IQCH: variants seen among roughly 807,000 people sequenced by gnomAD.
IQCH encodes the protein IQ motif containing H, also known as IQ domain-containing protein H.
IQCH carries 98 observed loss-of-function variants against 117.0 expected under a neutral mutation model. That is an observed-to-expected ratio of 0.84 (90% confidence interval 0.71 to 0.99). The LOEUF is 0.99. Among genes scored for constraint, IQCH ranks in the 50% least tolerant of loss-of-function variants. The probability of loss-of-function intolerance (pLI) is 0.00; values close to 1 mark genes in which losing one functional copy is unlikely to be tolerated. For synonymous variants in IQCH, 412 were observed against 448.2 expected (o/e 0.92, Z 1.02); for missense variants, 1,102 against 1,243.8 (o/e 0.89, Z 1.72).
At chr15:67,303,573 A>G (rs1967156576) in intron 4 of IQCH, among the ~76,000 whole-genome samples, 1 of 152,128 alleles carries the variant, frequency 6.6e-6, no homozygotes, top group Non-Finnish European at 1.5e-5. Flanking sequence ...ATTAAGTCTA[A>G]CATGCATTTT....
In IQCH at chr15:67,458,119, C is replaced by T. The variant is rs142667568; in HGVS notation, c.2506-7008C>T. On this transcript the variant is annotated intron_variant, in intron 16 of 20. Coordinates refer to ENST00000335894, the MANE Select transcript of IQCH (RefSeq NM_001031715.3). This position sits in a 1 kb window ranked among gnomAD's most constrained non-coding sequence, Gnocchi z 4.1. ...AGCCATGCACATCCTCCTGATTTTA[C>T]AGCTGCAAAAGGAGAAAAAGTGCCT... 2.2e-3 allele frequency among the ~76,000 whole-genome samples: 339 copies of T among 152,342 alleles called. 1 individual carries two copies. Among genetic ancestry groups the T allele is most frequent in the African/African-American group, 7.8e-3 (324 of 41,574 alleles).
chr15:67,266,523 G>A lies in IQCH; in HGVS notation c.269+3307G>A, dbSNP rs188184176. Among the ~76,000 whole-genome samples the A allele has an allele frequency of 5.3e-3, 801 of 152,234 alleles. 10 individuals carry two copies. The highest frequency in any genetic ancestry group is 0.019 in the African/African-American group (776 of 41,530). On this transcript the variant is annotated intron_variant, in intron 3 of 20. Coordinates refer to ENST00000335894, the MANE Select transcript of IQCH (RefSeq NM_001031715.3). ...ACAAAAAAAATTAGCCAGGCGTGGT[G>A]GCAGGCGCCTGTAGTCCCAGCTACT...
intron 6 of IQCH, 72 bp downstream of exon 6, chr15:67,344,263 A>G (rs1969292527): frequency 6.8e-7 from 1 of 1,465,044 alleles, no homozygotes; most frequent in East Asian, 2.3e-5. Context: ...CTAGCCTTCT[A>G]GTAGCCAACT....
chr15:67,331,247 A>G (rs1445929170), intron 4 of IQCH, among the ~76,000 whole-genome samples: 1 of 152,216 alleles, frequency 6.6e-6, no homozygotes, highest in East Asian at 1.9e-4. Context: ...TAACCTAGAA[A>G]AAACATAAAT....
chr15:67,376,812 G>A lies in IQCH; in HGVS notation c.1372+3379G>A, dbSNP rs1434295850. Among the ~76,000 whole-genome samples, 1 of 152,096 alleles carries A rather than the reference G, an allele frequency of 6.6e-6. No homozygotes were observed. The highest frequency in any genetic ancestry group is 6.6e-5 in the Admixed American group (1 of 15,260). On this transcript the variant is annotated intron_variant, in intron 10 of 20. Coordinates refer to ENST00000335894, the MANE Select transcript of IQCH (RefSeq NM_001031715.3). This position sits in a 1 kb window ranked among gnomAD's most constrained non-coding sequence, Gnocchi z 5.0. ...CAGTAAGACAATTAAACATTGTGGA[G>A]TAACCTCTTTGAAAGGAGGACTTAG...
chr15:67,409,106 G>A (rs2081378262), intron 14 of IQCH, among the ~76,000 whole-genome samples: 1 of 152,008 alleles, frequency 6.6e-6, no homozygotes, highest in Non-Finnish European at 1.5e-5. Context: ...TTTAGCAGAT[G>A]TTGAAGTAAT....
At chr15:67,325,652 C>G (rs1968373434) in intron 4 of IQCH, among the ~76,000 whole-genome samples, 1 of 151,956 alleles carries the variant, frequency 6.6e-6, no homozygotes, top group South Asian at 2.1e-4. Flanking sequence ...TGAGTCTCTT[C>G]AAAACAAGAA....
rs1448494427 is a variant in IQCH, at chr15:67,493,804, TC to T, written c.2862-450del. On this transcript the variant is annotated intron_variant, in intron 19 of 20. Coordinates refer to ENST00000335894, the MANE Select transcript of IQCH (RefSeq NM_001031715.3). This position sits in a 1 kb window ranked among gnomAD's most constrained non-coding sequence, Gnocchi z 5.1. ...GGTATATCTCCTAATGCTATTCCTC[TC>T]CCCTCCCCTCACCCCACGACAGGCC... Among the ~76,000 whole-genome samples the T allele has an allele frequency of 1.3e-5, 2 of 152,052 alleles. No homozygotes were observed. The highest frequency in any genetic ancestry group is 2.9e-5 in the Non-Finnish European group (2 of 67,996).
In IQCH at chr15:67,359,015, C is replaced by T. The variant is rs1222007080; in HGVS notation, c.715-832C>T. 6.6e-6 allele frequency among the ~76,000 whole-genome samples: 1 copy of T among 152,204 alleles called. No individual in the cohort carries two copies. The highest frequency in any genetic ancestry group is 1.5e-5 in the Non-Finnish European group (1 of 68,048). ...GTAAATGGCCAAATCCCAAGACAGA[C>T]AGGCCTTCAGGCGAGTGTTTGGCCT... is the stretch of plus-strand genomic sequence containing the variant. On this transcript the variant is annotated intron_variant, in intron 7 of 20. Coordinates refer to ENST00000335894, the MANE Select transcript of IQCH (RefSeq NM_001031715.3). The surrounding 1 kb of genome is among the most constrained non-coding windows in gnomAD (Gnocchi z 4.5).
At chr15:67,492,295 T>C (rs1320070324) in intron 19 of IQCH, among the ~76,000 whole-genome samples, 2 of 152,136 alleles carry the variant, frequency 1.3e-5, no homozygotes, top group African/African-American at 2.4e-5. Context: ...CCTAGAGATA[T>C]GAACTGTGTC....
rs572313223 is a variant in IQCH at position 67,459,498 on chromosome 15, T to G, written c.2506-5629T>G. 1.4e-4 allele frequency among the ~76,000 whole-genome samples: 22 copies of G among 152,206 alleles called. No individual in the cohort carries two copies. Among genetic ancestry groups the G allele is most frequent in the Admixed American group, 2.6e-4 (4 of 15,286 alleles). ...CAGAAAGAGGCAGAAGCAGCAGGGG[T>G]GAGCAGGCAGCCTCCATCTGCTGAG... is the stretch of plus-strand genomic sequence containing the variant. On this transcript the variant is annotated intron_variant, in intron 16 of 20. Transcript: ENST00000335894. This position sits in a 1 kb window ranked among gnomAD's most constrained non-coding sequence, Gnocchi z 4.2.
In IQCH at chr15:67,261,332, G is replaced by C. The variant is rs764427071; in HGVS notation, c.112G>C (p.Gly38Arg). The C allele has an allele frequency of 4.4e-6, 7 of 1,590,010 alleles. No individual in the cohort carries two copies. The highest frequency in any genetic ancestry group is 2.3e-5 in the East Asian group (1 of 44,274). The change falls in exon 2 of 21, where the codon GGA becomes CGA. Residue 38 changes from glycine to arginine, a missense_variant. Physicochemically the swap from Gly to Arg is moderately radical, Grantham distance 125. Coordinates refer to ENST00000335894, the MANE Select transcript of IQCH (RefSeq NM_001031715.3). Reference sequence around the variant, plus strand: ...AACAAAATTCTCACCTGAGGAAAAAGGAGAGACTCTAGACATTCAGAGTCT... The same window carrying C: ...AACAAAATTCTCACCTGAGGAAAAACGAGAGACTCTAGACATTCAGAGTCT... ...KLTKFSPEEK[G>R]ETLDIQSLET...
intron 6 of IQCH, among the ~76,000 whole-genome samples, chr15:67,348,363 A>ACACACACACG (rs1324160600): frequency 1.4e-4 from 21 of 151,480 alleles, no homozygotes; most frequent in African/African-American, 4.6e-4. Flanking sequence ...CATCACACAC[A>ACACACACACG]CACACACACA....
At chr15:67,352,830 G>C (rs1235790927) in intron 6 of IQCH, among the ~76,000 whole-genome samples, 1 of 152,088 alleles carries the variant, frequency 6.6e-6, no homozygotes, top group African/African-American at 2.4e-5. Context: ...GTAGACCAAT[G>C]TCTTTCATCA....
chr15:67,371,187 C>T (rs1970520498), intron 8 of IQCH, among the ~76,000 whole-genome samples: 1 of 152,118 alleles, frequency 6.6e-6, no homozygotes, highest in Admixed American at 6.6e-5. Flanking sequence ...CCCTCTCCCC[C>T]AGCCCCTCCA....
chr15:67,256,505 G>T (rs1272271238), intron 1 of IQCH, among the ~76,000 whole-genome samples: 1 of 152,124 alleles, frequency 6.6e-6, no homozygotes, highest in African/African-American at 2.4e-5. Flanking sequence ...TAGACTGTCT[G>T]GTGGCCAAAG....
chr15:67,420,276 A>C (rs2081699173), intron 15 of IQCH, among the ~76,000 whole-genome samples: 1 of 152,212 alleles, frequency 6.6e-6, no homozygotes, highest in Non-Finnish European at 1.5e-5. Flanking sequence ...AGATGACTGC[A>C]TTTGAAAACT....
At position 67,395,890 on chromosome 15, in the gene IQCH, G is replaced by A. The variant is rs1219302455; in HGVS notation, c.1905+327G>A. On this transcript the variant is annotated intron_variant, in intron 13 of 20. Transcript: ENST00000335894. The surrounding 1 kb of genome is among the most constrained non-coding windows in gnomAD (Gnocchi z 4.0). Reference sequence around the variant, plus strand: ...TCACCATGTTGGCCAGGCTGGTCTCGAACTCCTGACCTCTAGTGATCTGCC... The same window carrying A: ...TCACCATGTTGGCCAGGCTGGTCTCAAACTCCTGACCTCTAGTGATCTGCC... Among the ~76,000 whole-genome samples the A allele has an allele frequency of 2.0e-5, 3 of 151,670 alleles. No homozygotes were observed. The highest frequency in any genetic ancestry group is 2.4e-5 in the African/African-American group (1 of 41,258).
intron 13 of IQCH, among the ~76,000 whole-genome samples, chr15:67,396,203 T>C (rs971641554): frequency 6.6e-6 from 1 of 152,126 alleles, no homozygotes. Flanking sequence ...CAGTTTTCGC[T>C]AAAAGCAGTG....
Sources: gnomAD v4.1 joint callset for allele counts (sites outside exome capture counted in the v4.1 genomes callset) on GRCh38, gnomAD v4.1.1 for gene constraint, Gnocchi (gnomAD v3.1) non-coding constraint, MANE v1.5 for transcripts, NCBI Gene and HGNC (gene_info 2026-07-23, HGNC 2026-07-21) for gene names.